Variants in NRG1 observed in about 807,000 individuals in gnomAD.
NRG1 encodes the protein pro-neuregulin-1, membrane-bound isoform.
Under a neutral mutation model 63.8 loss-of-function variants are expected in NRG1, and 18 were observed. That is an observed-to-expected ratio of 0.28 (90% CI 0.19 to 0.42). The LOEUF (loss-of-function observed/expected upper bound fraction) is 0.42, where lower values mean the gene tolerates loss of function less well. NRG1 is among the 10% of genes least tolerant of loss of function. The pLI is 1.00. For missense variants in NRG1, 762 were observed against 814.7 expected, an observed-to-expected ratio of 0.94 and a Z score of 0.79; for synonymous variants, 302 against 301.3, an observed-to-expected ratio of 1.00 and a Z score of -0.02.
chr8:32,335,506 A>G (rs765157275), intron 1 of NRG1, among the ~76,000 whole-genome samples: 21 of 152,204 alleles, frequency 1.4e-4, no homozygotes, highest in Non-Finnish European at 2.6e-4. Context: ...AGAGTTGCTC[A>G]TATTTTATTT....
intron 1 of NRG1, among the ~76,000 whole-genome samples, chr8:32,140,702 A>G (rs971521716): frequency 2.6e-5 from 4 of 151,908 alleles, no homozygotes; most frequent in Non-Finnish European, 5.9e-5. Flanking sequence ...GGCTCAAGTG[A>G]TCTTCCCACT....
chr8:32,706,723 C>A (rs62497775), intron 5 of NRG1, among the ~76,000 whole-genome samples: 3,953 of 152,136 alleles, frequency 0.026, 61 homozygotes, highest in Non-Finnish European at 0.04. Context: ...GTCCCTGAGA[C>A]CTGGTGATTG....
At chr8:31,965,227 A>ATT (rs57191876) in intron 1 of NRG1, among the ~76,000 whole-genome samples, 3 of 144,930 alleles carry the variant, frequency 2.1e-5, no homozygotes, top group African/African-American at 7.6e-5. Context: ...GATGTCTTTT[A>ATT]TTTTTTTTTT....
intron 1 of NRG1, among the ~76,000 whole-genome samples, chr8:32,281,610 A>G (rs1852858264): frequency 6.6e-6 from 1 of 152,128 alleles, no homozygotes; most frequent in South Asian, 2.1e-4. Flanking sequence ...GAGAACATGC[A>G]GTATTTGGTT....
At chr8:31,731,967 C>A (rs1814121910) in intron 1 of NRG1, among the ~76,000 whole-genome samples, 1 of 152,192 alleles carries the variant, frequency 6.6e-6, no homozygotes, top group Non-Finnish European at 1.5e-5. Flanking sequence ...ATGTAATCAA[C>A]CAGCGAATGT....
At chr8:32,763,857 A>G (rs1043300907) in exon 12 of NRG1, 16 of 1,613,904 alleles carry the variant, frequency 9.9e-6, no homozygotes, top group Middle Eastern at 1.6e-4. Context: ...GTCCAGCATG[A>G]CGGTGTCCAT....
At chr8:32,419,261 A>G (rs1816357687) in intron 1 of NRG1, among the ~76,000 whole-genome samples, 1 of 152,204 alleles carries the variant, frequency 6.6e-6, no homozygotes, top group Admixed American at 6.5e-5. Flanking sequence ...AGGGGACATA[A>G]ATATATGGGA....
chr8:31,775,621 C>G (rs1227550684), intron 1 of NRG1, among the ~76,000 whole-genome samples: 6 of 152,120 alleles, frequency 3.9e-5, no homozygotes, highest in Admixed American at 6.5e-5. Context: ...GGTGCGGTGG[C>G]TCACGCCTGT....
chr8:32,591,467 C>T (rs1842506126), intron 1 of NRG1, among the ~76,000 whole-genome samples: 1 of 151,980 alleles, frequency 6.6e-6, no homozygotes, highest in Non-Finnish European at 1.5e-5. Context: ...TCTCGTAAGG[C>T]AAGGAATGTA....
At chr8:31,959,139 C>G (rs10808316) in intron 1 of NRG1, among the ~76,000 whole-genome samples, 95,847 of 152,144 alleles carry the variant, frequency 0.63, 34,590 homozygotes, top group Non-Finnish European at 0.81. Context: ...CAATAAATAC[C>G]AGTTTCTTTC....
chr8:32,285,058 T>A (rs1853369478), intron 1 of NRG1, among the ~76,000 whole-genome samples: 4 of 152,230 alleles, frequency 2.6e-5, no homozygotes, highest in Non-Finnish European at 5.9e-5. Flanking sequence ...TAAGCTTGGT[T>A]TGACCTATCT....
chr8:32,408,776 G>A (rs1324033438), intron 1 of NRG1, among the ~76,000 whole-genome samples: 1 of 151,910 alleles, frequency 6.6e-6, no homozygotes, highest in Non-Finnish European at 1.5e-5. Flanking sequence ...TTTATTTAGC[G>A]GGTACAAGTG....
intron 1 of NRG1, among the ~76,000 whole-genome samples, chr8:31,784,105 A>G (rs1819957630): frequency 1.3e-5 from 2 of 152,166 alleles, no homozygotes; most frequent in South Asian, 2.1e-4. Context: ...TCATCCTGCT[A>G]ATGACTGTGC....
chr8:32,217,200 T>G (rs1845324022), intron 1 of NRG1, among the ~76,000 whole-genome samples: 3 of 116,662 alleles, frequency 2.6e-5, no homozygotes, highest in African/African-American at 3.4e-5. Flanking sequence ...GGTAAGAGAG[T>G]GAGACCCTGT....
intron 1 of NRG1, among the ~76,000 whole-genome samples, chr8:32,079,881 A>T (rs1395034058): frequency 2.0e-5 from 3 of 152,170 alleles, no homozygotes; most frequent in Admixed American, 6.6e-5. Flanking sequence ...GTCATTTTTG[A>T]TGTCTACACA....
intron 1 of NRG1, among the ~76,000 whole-genome samples, chr8:31,724,460 T>C (rs1226053737): frequency 6.6e-6 from 1 of 152,160 alleles, no homozygotes; most frequent in African/African-American, 2.4e-5. Context: ...GTTTCTTCTT[T>C]GAGTGGCAAG....
chr8:32,191,430 A>G lies in NRG1; in HGVS notation c.38-404398A>G, dbSNP rs144162833. On this transcript the variant is annotated intron_variant, in intron 1 of 10. Transcript: ENST00000519301. ...AAGATACACAGAAATGTGAGAGGCCATAACAAGTTGTCACCCTACAATGAG... is the reference window on the plus strand; with the variant it reads ...AAGATACACAGAAATGTGAGAGGCCGTAACAAGTTGTCACCCTACAATGAG... 2.9e-3 allele frequency among the ~76,000 whole-genome samples: 444 copies of G among 152,326 alleles called. 3 individuals carry two copies. Among genetic ancestry groups the G allele is most frequent in the Non-Finnish European group, 3.1e-3 (210 of 68,030 alleles).
At chr8:31,927,549 C>G (rs942898178) in intron 1 of NRG1, among the ~76,000 whole-genome samples, 9 of 146,594 alleles carry the variant, frequency 6.1e-5, no homozygotes, top group African/African-American at 2.3e-4. Flanking sequence ...CCGGGGTTCA[C>G]GCCATTCTCC....
Position 32,028,717 on chromosome 8 carries a change from T to C in NRG1, c.37+389286T>C, listed in dbSNP as rs1296206328. ...AATTAATGATTTCATTCACTAACTT[T>C]CAAAAGTTAGACATTCAAAAACTGC... is the stretch of plus-strand genomic sequence containing the variant. On this transcript the variant is annotated intron_variant, in intron 1 of 10. Transcript: ENST00000519301. Among the ~76,000 whole-genome samples, 3 of 152,184 alleles carry C rather than the reference T, an allele frequency of 2.0e-5. No individual in the cohort carries two copies. In the East Asian group the frequency reaches 5.8e-4, roughly 29 times the overall value.
Sources: allele counts gnomAD v4.1 joint callset (sites outside exome capture counted in the v4.1 genomes callset), GRCh38; gene constraint gnomAD v4.1.1; transcripts MANE v1.5; gene names NCBI Gene and HGNC (gene_info 2026-07-23, HGNC 2026-07-21).